Variants in PBX1 observed in about 807,000 individuals in gnomAD.
PBX1 encodes PBX homeobox 1, also known as pre-B-cell leukemia transcription factor 1.
A neutral mutation model predicts 53.4 loss-of-function variants in PBX1; 6 were observed. The ratio of observed to expected loss-of-function variants is 0.11; its 90% CI spans 0.06 to 0.22. The LOEUF is 0.22. Among genes scored for constraint, PBX1 ranks in the 10% least tolerant of loss-of-function variants. The probability of loss-of-function intolerance (pLI) is 1.00; values close to 1 mark genes in which losing one functional copy is unlikely to be tolerated. For synonymous variants in PBX1, 204 were observed against 212.3 expected (o/e 0.96, Z 0.34); for missense variants, 251 against 551.4 (o/e 0.46, Z 5.46).
intron 2 of PBX1, among the ~76,000 whole-genome samples, chr1:164,732,749 T>A (rs1665065900): frequency 6.6e-6 from 1 of 152,198 alleles, no homozygotes; most frequent in Admixed American, 6.5e-5. Flanking sequence ...TGCCCTTTGA[T>A]GTTTCCTTCT....
At chr1:164,754,980 A>T (rs1290694626) in intron 2 of PBX1, among the ~76,000 whole-genome samples, 1 of 152,258 alleles carries the variant, frequency 6.6e-6, no homozygotes, top group Non-Finnish European at 1.5e-5. Flanking sequence ...TTGATGAAAT[A>T]AATTAAAGAT....
At chr1:164,791,882 TGGC>T (rs1270980529) in intron 2 of PBX1, among the ~76,000 whole-genome samples, 1 of 151,970 alleles carries the variant, frequency 6.6e-6, no homozygotes, top group Non-Finnish European at 1.5e-5. Flanking sequence ...GTGCAATGAG[TGGC>T]GTGATCTCAG....
At chr1:164,663,488 G>C (rs749615077) in intron 2 of PBX1, among the ~76,000 whole-genome samples, 5 of 152,186 alleles carry the variant, frequency 3.3e-5, no homozygotes, top group Non-Finnish European at 7.3e-5. Flanking sequence ...AACATTACGT[G>C]CTTTGGGCTC....
chr1:164,660,400 A>G (rs1170841459), intron 2 of PBX1, among the ~76,000 whole-genome samples: 1 of 152,212 alleles, frequency 6.6e-6, no homozygotes, highest in Non-Finnish European at 1.5e-5. Context: ...TGCAGCTGAC[A>G]TGGCAGTGCT....
chr1:164,858,900 C>T (rs1480395754), intron 2 of PBX1, among the ~76,000 whole-genome samples: 1 of 152,116 alleles, frequency 6.6e-6, no homozygotes, highest in African/African-American at 2.4e-5. Flanking sequence ...TTGTTCTCTC[C>T]TAGTGCTTTT....
At chr1:164,590,311 G>A in intron 2 of PBX1, 1 of 455,408 alleles carries the variant, frequency 2.2e-6, no homozygotes. Flanking sequence ...TTTCTTGATT[G>A]TCCCAGCCTC....
At chr1:164,594,513 C>G (rs1001749651) in intron 2 of PBX1, among the ~76,000 whole-genome samples, 2 of 151,810 alleles carry the variant, frequency 1.3e-5, no homozygotes, top group Non-Finnish European at 3.0e-5. Flanking sequence ...GAACTCCTGA[C>G]ATGGTGATCC....
At chr1:164,873,882 A>G (rs1012855677) in intron 2 of PBX1, among the ~76,000 whole-genome samples, 1 of 152,104 alleles carries the variant, frequency 6.6e-6, no homozygotes, top group African/African-American at 2.4e-5. Context: ...TTACAATAAC[A>G]GCTTAAAAAA....
chr1:164,852,678 C>T (rs1671884519), downstream of PBX1, among the ~76,000 whole-genome samples: 1 of 152,240 alleles, frequency 6.6e-6, no homozygotes, highest in Non-Finnish European at 1.5e-5. Context: ...GTAATAATCA[C>T]TTATCCCAAT....
intron 2 of PBX1, among the ~76,000 whole-genome samples, chr1:164,775,190 C>A (rs1227749962): frequency 6.6e-6 from 1 of 152,126 alleles, no homozygotes; most frequent in Non-Finnish European, 1.5e-5. Flanking sequence ...ATTTACTTTT[C>A]TCTGTTAACG....
At chr1:164,660,356 A>G (rs1033373040) in intron 2 of PBX1, among the ~76,000 whole-genome samples, 5 of 152,136 alleles carry the variant, frequency 3.3e-5, no homozygotes, top group Non-Finnish European at 7.4e-5. Flanking sequence ...ACTGGGTTTG[A>G]AAAGCACCTG....
At chr1:164,567,778 A>G (rs945105868) in intron 2 of PBX1, among the ~76,000 whole-genome samples, 1 of 152,250 alleles carries the variant, frequency 6.6e-6, no homozygotes, top group Non-Finnish European at 1.5e-5. Flanking sequence ...CAAAGCTGCC[A>G]GAATGAGAAT....
At chr1:164,647,165 ATTAT>A (rs1375042030) in intron 2 of PBX1, among the ~76,000 whole-genome samples, 2 of 152,208 alleles carry the variant, frequency 1.3e-5, no homozygotes, top group East Asian at 1.9e-4. Context: ...CCTAGTATGA[ATTAT>A]TTATTTGTTT....
intron 2 of PBX1, among the ~76,000 whole-genome samples, chr1:164,612,048 C>T (rs1052716405): frequency 1.3e-5 from 2 of 152,006 alleles, no homozygotes; most frequent in African/African-American, 2.4e-5. Flanking sequence ...AATTTTTTGC[C>T]CCAGGTCAGA....
At chr1:164,618,604 G>T (rs1024543591) in intron 2 of PBX1, among the ~76,000 whole-genome samples, 1 of 152,198 alleles carries the variant, frequency 6.6e-6, no homozygotes, top group Non-Finnish European at 1.5e-5. Flanking sequence ...TGCTACTCCT[G>T]AAGAATAGCA....
chr1:164,631,564 G>A (rs1222480848), intron 2 of PBX1, among the ~76,000 whole-genome samples: 1 of 152,192 alleles, frequency 6.6e-6, no homozygotes, highest in African/African-American at 2.4e-5. Context: ...TTAGTTATTG[G>A]AGAAGCTCAT....
intron 2 of PBX1, among the ~76,000 whole-genome samples, chr1:164,707,612 C>T (rs1486774637): frequency 2.0e-5 from 3 of 151,980 alleles, no homozygotes; most frequent in Non-Finnish European, 2.9e-5. Flanking sequence ...GAGCTTGTCT[C>T]GGGAATGCAG....
intron 2 of PBX1, among the ~76,000 whole-genome samples, chr1:164,706,098 G>A (rs1571256558): frequency 6.6e-6 from 1 of 152,288 alleles, no homozygotes; most frequent in African/African-American, 2.4e-5. Context: ...GGAGTATCTT[G>A]AAAATGTCTC....
At position 164,559,615 on chromosome 1, in the gene PBX1, C is replaced by T. The variant is rs1234341788; in HGVS notation, c.-208C>T. 76 of 344,390 alleles carry T rather than the reference C, an allele frequency of 2.2e-4. No individual in the cohort carries two copies. In the East Asian group the frequency reaches 3.6e-3, roughly 16 times the overall value. 21.3% of individuals were successfully genotyped at this position (344,390 alleles called of 1,614,324 possible). ...CCTCACCCCGCAACCCCTTCACGCC[C>T]CCTCCCCCTCCCCCTCCTCATCCTC... On this transcript the variant is annotated 5_prime_UTR_variant, in exon 1 of 9. Transcript: ENST00000420696.
Sources: allele counts gnomAD v4.1 joint callset (sites outside exome capture counted in the v4.1 genomes callset), GRCh38; gene constraint gnomAD v4.1.1; transcripts MANE v1.5; gene names NCBI Gene and HGNC (gene_info 2026-07-23, HGNC 2026-07-21).